USP9X: variants seen among roughly 807,000 people sequenced by gnomAD.
The protein encoded by USP9X is ubiquitin specific peptidase 9 X-linked, also known as ubiquitin carboxyl-terminal hydrolase 9X.
A neutral mutation model predicts 190.3 loss-of-function variants in USP9X; 7 were observed. The observed-to-expected ratio is 0.04, with a 90% CI of 0.02 to 0.07. The LOEUF (loss-of-function observed/expected upper bound fraction) is 0.07. USP9X is among the 10% of genes least tolerant of loss of function. The probability of loss-of-function intolerance (pLI) is 1.00; values close to 1 mark genes in which losing one functional copy is unlikely to be tolerated. For missense variants in USP9X, 1,010 were observed against 1,916.9 expected, an observed-to-expected ratio of 0.53 and a Z score of 8.83; for synonymous variants, 645 against 659.5, an observed-to-expected ratio of 0.98 and a Z score of 0.34.
chrX:41,192,863 G>T (rs1179339833), intron 26 of USP9X, among the ~76,000 whole-genome samples: 1 of 111,318 alleles, frequency 9.0e-6, no homozygotes, highest in Non-Finnish European at 1.9e-5. Flanking sequence ...TGCTATGGGG[G>T]TGAAATAAAG....
rs894673166 is a variant in USP9X at position 41,236,066 on chromosome X, C to G, written c.*3542C>G. On this transcript the variant is annotated 3_prime_UTR_variant, in exon 45 of 45. Transcript: ENST00000378308. ...GATTATAGCTGGATAAGAAAATTGC[C>G]TTTTCATTGTAAGTGCCCAGTTTTG... is the stretch of plus-strand genomic sequence containing the variant. 1 of 110,686 alleles carries G rather than the reference C, an allele frequency of 9.0e-6. No homozygotes were observed. Among genetic ancestry groups the G allele is most frequent in the Non-Finnish European group, 1.9e-5 (1 of 52,808 alleles). 9.1% of individuals were successfully genotyped at this position (110,686 alleles called of 1,213,427 possible).
chrX:41,204,897 C>T (rs1030632968), intron 31 of USP9X, among the ~76,000 whole-genome samples: 7 of 111,831 alleles, frequency 6.3e-5, no homozygotes, highest in African/African-American at 1.9e-4. Context: ...ATTTTATTGA[C>T]AGATCTGAGC....
rs2062519330 is a variant in USP9X at position 41,150,970 on chromosome X, T to C, written c.1676T>C (p.Leu559Pro). 1 of 1,206,474 alleles carries C rather than the reference T, an allele frequency of 8.3e-7. No individual in the cohort carries two copies. Among genetic ancestry groups the C allele is most frequent in the Non-Finnish European group, 1.1e-6 (1 of 893,380 alleles). ...IQWIDRFIEE[L>P]RTNDKWVIPA... ...TGGATAGATCGCTTTATAGAAGAAC[T>C]TCGCACAAATGACAAATGGGTTATT... The change falls in exon 13 of 45, where the codon CTT (leucine) becomes CCT (proline). Residue 559 changes from leucine (L) to proline (P), a missense_variant. By Grantham distance (98) the Leu-to-Pro change is moderately conservative. Coordinates refer to ENST00000378308, the MANE Select transcript of USP9X (RefSeq NM_001039591.3).
rs750757971 is a variant in USP9X, at chrX:41,170,617, G to T, written c.3025G>T (p.Val1009Leu). 1 of 1,208,878 alleles carries T rather than the reference G, an allele frequency of 8.3e-7. No individual in the cohort carries two copies. Among genetic ancestry groups the T allele is most frequent in the Admixed American group, 2.2e-5 (1 of 45,693 alleles). ...AGAAGTGGAAAGCTGTTTGCCTGGA[G>T]TGGTGAGTAGATACAGTTTTGAACT... Reference protein sequence around the residue: ...NPEVESCLPGVIMSLHPRYIS... With the variant: ...NPEVESCLPGLIMSLHPRYIS... The change falls in exon 20 of 45, where the codon GTG (valine) becomes TTG (leucine). Residue 1009 changes from valine to leucine, a missense_variant and splice_region_variant. By Grantham distance (32) the Val-to-Leu change is conservative (BLOSUM62 1). This residue lies in a region of USP9X where 351 missense variants were observed against 480.8 expected (regional missense o/e 0.73). Transcript: ENST00000378308.
intron 14 of USP9X, among the ~76,000 whole-genome samples, chrX:41,161,828 A>G (rs756050444): frequency 1.9e-5 from 2 of 105,786 alleles, no homozygotes; most frequent in Admixed American, 2.1e-4. Context: ...AAGCAATACT[A>G]CTGCCTGGGT....
At chrX:41,223,780 T>A (rs1338647025) in intron 39 of USP9X, among the ~76,000 whole-genome samples, 1 of 112,007 alleles carries the variant, frequency 8.9e-6, no homozygotes, top group African/African-American at 3.2e-5. Flanking sequence ...TATATAGTAC[T>A]AAGAGTCTGG....
chrX:41,235,907 G>C lies in USP9X; in HGVS notation c.*3383G>C, dbSNP rs1452615412. 1.8e-5 allele frequency: 2 copies of C among 112,006 alleles called. No individual in the cohort carries two copies. The highest frequency in any genetic ancestry group is 6.5e-5 in the African/African-American group (2 of 30,840). The allele number at this position is 112,006 out of a possible 1,213,427, so 9.2% of individuals were successfully genotyped here. On this transcript the variant is annotated 3_prime_UTR_variant, in exon 45 of 45. Transcript: ENST00000378308. Reference sequence around the variant, plus strand: ...TACATTTGTAAATGAAAACAAGTCTGTGAATATTCAGATGACTACTTCGAA... The same window carrying C: ...TACATTTGTAAATGAAAACAAGTCTCTGAATATTCAGATGACTACTTCGAA...
chrX:41,099,029 G>A (rs902575141), intron 1 of USP9X, among the ~76,000 whole-genome samples: 52 of 104,661 alleles, frequency 5.0e-4, no homozygotes, highest in Admixed American at 2.1e-4. Flanking sequence ...AGGCTCTAGC[G>A]ATTCCTCCCA....
intron 1 of USP9X, among the ~76,000 whole-genome samples, chrX:41,100,991 A>G (rs1054206451): frequency 9.0e-6 from 1 of 111,181 alleles, no homozygotes; most frequent in Non-Finnish European, 1.9e-5. Flanking sequence ...TTCTAATTTT[A>G]TATGTGATAT....
intron 3 of USP9X, among the ~76,000 whole-genome samples, chrX:41,130,211 T>A (rs948305017): frequency 1.8e-5 from 2 of 111,659 alleles, no homozygotes; most frequent in African/African-American, 6.5e-5. Flanking sequence ...CCATTGTTTT[T>A]AATTATATAT....
At position 41,229,310 on chromosome X, in the gene USP9X, C is replaced by A. The variant is rs775934107; in HGVS notation, c.7119C>A (p.Ile2373=). Residue 2373 remains isoleucine (I), a synonymous_variant, in exon 42 of 45, where the codon ATC becomes ATA. Transcript: ENST00000378308. ...ACCGAGATGGGCTGTTTGACACAAT[C>A]CAGCGCTCTAAGAATCACTATCAAA... ...PDDRDGLFDT[I]QRSKNHYQKR... The A allele has an allele frequency of 1.7e-6, 2 of 1,199,029 alleles. No individual in the cohort carries two copies. The highest frequency in any genetic ancestry group is 6.0e-5 in the East Asian group (2 of 33,556).
intron 1 of USP9X, among the ~76,000 whole-genome samples, chrX:41,118,087 T>C (rs7884402): frequency 0.13 from 14,846 of 110,922 alleles, 900 homozygotes; most frequent in East Asian, 0.22. Flanking sequence ...GAACTCCTGA[T>C]TTCAGGTGAT....
chrX:41,106,554 A>T (rs1195119251), intron 1 of USP9X, among the ~76,000 whole-genome samples: 1 of 76,499 alleles, frequency 1.3e-5, no homozygotes, highest in Non-Finnish European at 2.4e-5. Flanking sequence ...TTTTTTAGAC[A>T]GAGTCTTGCT....
chrX:41,205,082 A>T (rs1040846756), intron 31 of USP9X: 9 of 319,600 alleles, frequency 2.8e-5, no homozygotes, highest in African/African-American at 2.4e-4. Context: ...GCTACACTAT[A>T]TTATCTATCT....
At position 41,218,480 on chromosome X, in the gene USP9X, G is replaced by A. The variant is rs777056993; in HGVS notation, c.6318G>A (p.Glu2106=). ...VSNRFSEYLL[E]CPSAEVRGAF... ...ATCGCTTCTCCGAATACCTTCTGGA[G>A]TGCCCTAGTGCAGAAGTGAGGGGTG... Residue 2106 remains glutamate, a synonymous_variant, in exon 37 of 45, where the codon GAG becomes GAA. Coordinates refer to ENST00000378308, the MANE Select transcript of USP9X (RefSeq NM_001039591.3). The A allele has an allele frequency of 2.5e-6, 3 of 1,211,533 alleles. No individual in the cohort carries two copies. Among genetic ancestry groups the A allele is most frequent in the South Asian group, 3.5e-5 (2 of 57,006 alleles).
At chrX:41,173,436 TGTA>T (rs2062745371) in intron 21 of USP9X, among the ~76,000 whole-genome samples, 1 of 112,174 alleles carries the variant, frequency 8.9e-6, no homozygotes, top group South Asian at 3.7e-4. Flanking sequence ...ATTTTTTAAA[TGTA>T]TTTTTTGGAA....
At chrX:41,188,462 C>T (rs754308430) in intron 25 of USP9X, among the ~76,000 whole-genome samples, 1 of 111,781 alleles carries the variant, frequency 8.9e-6, no homozygotes, top group Non-Finnish European at 1.9e-5. Flanking sequence ...TATGGTATGG[C>T]ATTTAAGTAT....
chrX:41,134,379 T>G (rs1318471119), intron 4 of USP9X, among the ~76,000 whole-genome samples: 1 of 112,342 alleles, frequency 8.9e-6, no homozygotes, highest in African/African-American at 3.2e-5. Context: ...CAGAATAGTA[T>G]AAGGATATTG....
At position 41,147,082 on chromosome X, in the gene USP9X, GCTTT is replaced by G. The variant is rs774923661; in HGVS notation, c.1420-1283_1420-1280del. Among the ~76,000 whole-genome samples the G allele has an allele frequency of 2.9e-4, 32 of 111,082 alleles. No homozygotes were observed. In the East Asian group the frequency reaches 8.2e-3, roughly 28 times the overall value. ...TGTCTTTTAAGTCTCTTTGAAACTAGCTTTCTTCTTTTTTACTTCCCTTGCAATT... is the reference window on the plus strand; with the variant it reads ...TGTCTTTTAAGTCTCTTTGAAACTAGCTTCTTTTTTACTTCCCTTGCAATT... On this transcript the variant is annotated intron_variant, in intron 11 of 44. Coordinates refer to ENST00000378308, the MANE Select transcript of USP9X (RefSeq NM_001039591.3).
Sources: gnomAD v4.1 joint callset for allele counts (sites outside exome capture counted in the v4.1 genomes callset) on GRCh38, gnomAD v4.1.1 for gene constraint, gnomAD v4.1.1 regional missense constraint, MANE v1.5 for transcripts, NCBI Gene and HGNC (gene_info 2026-07-23, HGNC 2026-07-21) for gene names.